The following SLC2A5 variants were observed in gnomAD, a reference collection of about 807,000 sequenced individuals.
The protein encoded by SLC2A5 is solute carrier family 2, facilitated glucose transporter member 5.
A neutral mutation model predicts 50.3 loss-of-function variants in SLC2A5; 56 were observed. The observed-to-expected ratio is 1.11, with a 90% CI of 0.90 to 1.39. SLC2A5 has a LOEUF of 1.39. Ranked by LOEUF, SLC2A5 falls within the 40% of genes most tolerant of loss-of-function variation. SLC2A5 has a pLI of 0.00. For missense variants in SLC2A5, 566 were observed against 650.1 expected (o/e 0.87, Z 1.41); for synonymous variants, 269 against 281.9 (o/e 0.95, Z 0.46).
At position 9,081,617 on chromosome 1, in the gene SLC2A5, G is replaced by A. The variant is rs75465915; in HGVS notation, c.-59+3397C>T. On this transcript the variant is annotated intron_variant, in intron 2 of 5. Coordinates refer to the SLC2A5 transcript ENST00000464985. ...AGACAAACAACCAAATTCAAAATGC[G>A]CAAAACACTTGAATAGATTATTTTC... Among the ~76,000 whole-genome samples, 1,123 of 152,012 alleles carry A rather than the reference G, an allele frequency of 7.4e-3. 9 individuals are homozygous for A. Among genetic ancestry groups the A allele is most frequent in the African/African-American group, 0.024 (1,003 of 41,436 alleles).
intron 4 of SLC2A5, among the ~76,000 whole-genome samples, chr1:9,045,104 G>A (rs1165634016): frequency 6.6e-6 from 1 of 152,102 alleles, no homozygotes; most frequent in Non-Finnish European, 1.5e-5. Context: ...GAGCATATGG[G>A]AGTTTTCCAG....
intron 1 of SLC2A5, among the ~76,000 whole-genome samples, chr1:9,061,281 C>CAAAA (rs148475993): frequency 9.0e-6 from 1 of 111,446 alleles, no homozygotes; most frequent in African/African-American, 3.4e-5. Context: ...GACCCTGTCT[C>CAAAA]AAAAAAAAAA....
intron 3 of SLC2A5, among the ~76,000 whole-genome samples, chr1:9,051,481 A>G (rs1641576216): frequency 6.6e-6 from 1 of 152,196 alleles, no homozygotes; most frequent in African/African-American, 2.4e-5. Flanking sequence ...CAATTTAAAA[A>G]TGGGCCAAAG....
chr1:9,068,275 A>G (rs1642135619), intron 1 of SLC2A5, among the ~76,000 whole-genome samples: 2 of 150,998 alleles, frequency 1.3e-5, no homozygotes, highest in African/African-American at 4.9e-5. Flanking sequence ...GGTACTTTAC[A>G]TGCATTATCT....
In SLC2A5 at chr1:9,040,997, T is replaced by TA. The variant is rs1641287945; in HGVS notation, c.571+787dup. 1 of 164,626 alleles carries TA rather than the reference T, an allele frequency of 6.1e-6. No individual in the cohort carries two copies. Among genetic ancestry groups the TA allele is most frequent in the East Asian group, 1.7e-4 (1 of 5,794 alleles). 10.2% of individuals were successfully genotyped at this position (164,626 alleles called of 1,614,324 possible). A position where few individuals can be genotyped will look rare whatever the true frequency, so the allele number is the denominator to read the frequency against. On this transcript the variant is annotated intron_variant, in intron 5 of 11. Coordinates refer to ENST00000377424, the MANE Select transcript of SLC2A5 (RefSeq NM_003039.3). The surrounding 1 kb of genome is among the most constrained non-coding windows in gnomAD (Gnocchi z 4.3). ...TGATGCACCTGCAAAATGGGTATGA[T>TA]ACTGGTACAGGCTTAATAGGGCTGT...
intron 3 of SLC2A5, chr1:9,049,353 T>C (rs1300315917): frequency 3.6e-5 from 13 of 360,462 alleles, no homozygotes; most frequent in Non-Finnish European, 6.1e-5. Context: ...TAGTACTGTA[T>C]TGGAGAACCA....
intron 9 of SLC2A5, 135 bp downstream of exon 9, chr1:9,038,693 T>A (rs1641208493): frequency 7.4e-7 from 1 of 1,360,162 alleles, no homozygotes; most frequent in Non-Finnish European, 9.9e-7. Context: ...GGTCCCCAGA[T>A]GTCTGGCCAG....
intron 1 of SLC2A5, among the ~76,000 whole-genome samples, chr1:9,065,827 G>A (rs1012822866): frequency 3.3e-5 from 5 of 151,988 alleles, no homozygotes; most frequent in African/African-American, 1.2e-4. Context: ...GTGAGACCTC[G>A]TCTCTACGAA....
At chr1:9,064,318 A>AG (rs1270151132) in intron 1 of SLC2A5, among the ~76,000 whole-genome samples, 6 of 152,020 alleles carry the variant, frequency 3.9e-5, no homozygotes, top group Non-Finnish European at 8.8e-5. Flanking sequence ...AGGAAAAGGG[A>AG]GGGGCTGAAG....
At chr1:9,076,722 C>A (rs1557684499) in intron 2 of SLC2A5, among the ~76,000 whole-genome samples, 1 of 151,822 alleles carries the variant, frequency 6.6e-6, no homozygotes. Context: ...GGACTGCAAC[C>A]CAGGAGCATA....
chr1:9,082,548 T>TA (rs879368312), intron 2 of SLC2A5: 387 of 148,642 alleles, frequency 2.6e-3, no homozygotes, highest in South Asian at 0.016. Context: ...ACCCTGTCTC[T>TA]AAAAAAAAAA....
rs143281801 is a variant in SLC2A5 at position 9,057,489 on chromosome 1, G to A, written c.252C>T (p.Ile84=). The A allele has an allele frequency of 5.6e-6, 9 of 1,613,648 alleles. No individual in the cohort carries two copies. Among genetic ancestry groups the A allele is most frequent in the African/African-American group, 4.0e-5 (3 of 74,830 alleles). The change falls in exon 3 of 12, where the codon ATC becomes ATT. Residue 84 remains isoleucine, a synonymous_variant. Coordinates refer to ENST00000377424, the MANE Select transcript of SLC2A5 (RefSeq NM_003039.3). ...TVSMFPFGGF[I]GSLLVGPLVN... ...CCAAGGGGCCGACCAGGAGGGATCC[G>A]ATAAACCCTCCAAATGGAAACATGG...
At chr1:9,064,074 C>T (rs111378514) in intron 1 of SLC2A5, among the ~76,000 whole-genome samples, 10,255 of 151,686 alleles carry the variant, frequency 0.068, 459 homozygotes, top group Middle Eastern at 0.16. Context: ...GCAATCCTCT[C>T]GCCTCAGCCT....
At chr1:9,045,012 C>T (rs530412049) in intron 4 of SLC2A5, among the ~76,000 whole-genome samples, 19 of 152,298 alleles carry the variant, frequency 1.2e-4, no homozygotes, top group Middle Eastern at 3.4e-3. Context: ...GATCCCGAGA[C>T]CTTTTAAGGG....
intron 2 of SLC2A5, among the ~76,000 whole-genome samples, chr1:9,075,232 C>T (rs902805024): frequency 6.6e-6 from 1 of 152,074 alleles, no homozygotes; most frequent in African/African-American, 2.4e-5. Context: ...GGAAGTGTAG[C>T]CCTCCTGAGC....
At chr1:9,084,679 T>C (rs946756736) in intron 2 of SLC2A5, among the ~76,000 whole-genome samples, 8 of 152,090 alleles carry the variant, frequency 5.3e-5, no homozygotes, top group Admixed American at 4.6e-4. Flanking sequence ...CCCAGGATCT[T>C]GAGAAACACG....
upstream of SLC2A5, among the ~76,000 whole-genome samples, chr1:9,090,824 C>T (rs1187803749): frequency 6.6e-6 from 1 of 152,228 alleles, no homozygotes; most frequent in African/African-American, 2.4e-5. Flanking sequence ...CTCCCAACTA[C>T]CTCTACAACC....
intron 10 of SLC2A5, 52 bp downstream of exon 10, chr1:9,038,379 T>C: frequency 2.9e-6 from 4 of 1,358,708 alleles, no homozygotes; most frequent in Non-Finnish European, 4.2e-6. Flanking sequence ...AGCCCGGAGC[T>C]TCTGGGACCA....
chr1:9,050,655 T>C (rs1220730221), intron 3 of SLC2A5, among the ~76,000 whole-genome samples: 1 of 152,050 alleles, frequency 6.6e-6, no homozygotes, highest in East Asian at 1.9e-4. Flanking sequence ...CAGTCTTGGG[T>C]TTGGCGATGA....
Sources: gnomAD v4.1 joint callset for allele counts (sites outside exome capture counted in the v4.1 genomes callset) on GRCh38, gnomAD v4.1.1 for gene constraint, Gnocchi (gnomAD v3.1) non-coding constraint, MANE v1.5 for transcripts, NCBI Gene and HGNC (gene_info 2026-07-23, HGNC 2026-07-21) for gene names.